The following PDE12 variants were observed in gnomAD, a reference collection of about 807,000 sequenced individuals.
The protein encoded by PDE12 is phosphodiesterase 12.
Under a neutral mutation model 45.4 loss-of-function variants are expected in PDE12, and 26 were observed. The observed-to-expected ratio is 0.57, with a 90% confidence interval of 0.42 to 0.79. The LOEUF is 0.79. Among genes scored for constraint, PDE12 ranks in the 30% least tolerant of loss-of-function variants. PDE12 has a pLI of 0.00. For synonymous variants in PDE12, 283 were observed against 323.9 expected (o/e 0.87, Z 1.36); for missense variants, 668 against 790.0 (o/e 0.85, Z 1.85).
At chr3:57,633,201 GA>G in the PDE12 span, 1 of 1,382,572 alleles carries the variant, frequency 7.2e-7, no homozygotes. Context: ...TGGAGGGCGG[GA>G]AAAACATTTA....
At chr3:57,644,149 C>CAAA in the PDE12 span, among the ~76,000 whole-genome samples, 3 of 73,358 alleles carry the variant, frequency 4.1e-5, no homozygotes, top group Non-Finnish European at 5.5e-5. Flanking sequence ...GACTCCATCT[C>CAAA]AAAAAAAAAA....
rs2069789038 is a variant in PDE12 at position 57,566,698 on chromosome 3, A to G, written c.*6694A>G. The G allele has an allele frequency of 6.6e-6, 1 of 152,130 alleles. No individual in the cohort carries two copies. The highest frequency in any genetic ancestry group is 1.5e-5 in the Non-Finnish European group (1 of 68,026). 9.4% of individuals were successfully genotyped at this position (152,130 alleles called of 1,614,324 possible). ...TGTGGTTTTGATTTGCATTTCCATG[A>G]TGGTTAACGATGTTAAGCATCTTTT... On this transcript the variant is annotated 3_prime_UTR_variant, in exon 3 of 3. Transcript: ENST00000311180.
At chr3:57,567,220 G>A (rs2069794038), downstream of PDE12, among the ~76,000 whole-genome samples, 1 of 151,954 alleles carries the variant, frequency 6.6e-6, no homozygotes, top group Admixed American at 6.6e-5. Context: ...ACTGAGGCAG[G>A]AGAATCGCTT....
rs143474439 is a variant in PDE12 at position 57,562,268 on chromosome 3, C to G, written c.*2264C>G. 348 of 212,056 alleles carry G rather than the reference C, an allele frequency of 1.6e-3. 3 individuals are homozygous for G. The highest frequency in any genetic ancestry group is 7.8e-3 in the African/African-American group (332 of 42,590). 13.1% of individuals were successfully genotyped at this position (212,056 alleles called of 1,614,324 possible). On this transcript the variant is annotated 3_prime_UTR_variant, in exon 3 of 3. Coordinates refer to ENST00000311180, the MANE Select transcript of PDE12 (RefSeq NM_177966.7). ...CTAGTCAGAAAAACTCAGCACTTAACAGACATTCCATGTCCTATATCCTTA... is the reference window on the plus strand; with the variant it reads ...CTAGTCAGAAAAACTCAGCACTTAAGAGACATTCCATGTCCTATATCCTTA...
chr3:57,569,141 A>G (rs1431115494), downstream of PDE12, among the ~76,000 whole-genome samples: 2 of 152,224 alleles, frequency 1.3e-5, no homozygotes, highest in African/African-American at 4.8e-5. Flanking sequence ...GATAGCATCA[A>G]CTATTTCATA....
the PDE12 span, among the ~76,000 whole-genome samples, chr3:57,603,205 AG>A: frequency 2.0e-5 from 3 of 152,162 alleles, no homozygotes; most frequent in Non-Finnish European, 4.4e-5. Context: ...GAAATTAGGT[AG>A]CTTAAAGCTA....
chr3:57,557,523 C>T lies in PDE12; in HGVS notation c.1144C>T (p.Leu382=). The change falls in exon 1 of 3, where the codon CTG becomes TTG. Residue 382 remains leucine (L), a synonymous_variant. Coordinates refer to ENST00000311180, the MANE Select transcript of PDE12 (RefSeq NM_177966.7). ...GTTTCGAATCAAGCAGCACGAAGGC[C>T]TGGCCACTTTCTACCGAAAGTCTAA... The part of the protein sequence containing the change: ...GVFRIKQHEG[L]ATFYRKSKFS... 6.2e-7 allele frequency: 1 copy of T among 1,614,090 alleles called. No individual in the cohort carries two copies. Among genetic ancestry groups the T allele is most frequent in the Non-Finnish European group, 8.5e-7 (1 of 1,180,028 alleles).
the PDE12 span, among the ~76,000 whole-genome samples, chr3:57,599,608 C>T: frequency 6.6e-6 from 1 of 152,264 alleles, no homozygotes; most frequent in South Asian, 2.1e-4. Context: ...CCATCTCTAG[C>T]CTCCAAAACC....
chr3:57,597,241 G>A, the PDE12 span: 1,024 of 1,172,318 alleles, frequency 8.7e-4, 4 homozygotes, highest in Non-Finnish European at 1.2e-3. Context: ...AGAGGGAAGA[G>A]AAAGAGCGGA....
At chr3:57,591,402 G>GA in the PDE12 span, among the ~76,000 whole-genome samples, 292 of 143,808 alleles carry the variant, frequency 2.0e-3, 1 homozygote, top group African/African-American at 6.7e-3. Context: ...TAATGAAAAG[G>GA]AAAAAAAAAA....
At position 57,557,285 on chromosome 3, in the gene PDE12, C is replaced by T. The variant is rs1296060910; in HGVS notation, c.906C>T (p.Ile302=). Residue 302 remains isoleucine, a synonymous_variant, in exon 1 of 3, where the codon ATC becomes ATT. Coordinates refer to ENST00000311180, the MANE Select transcript of PDE12 (RefSeq NM_177966.7). ...DALIRTVSYN[I]LADTYAQTEF... is the part of the protein sequence containing the mutation. ...TCATCCGCACTGTCTCTTACAACAT[C>T]CTGGCAGACACGTACGCGCAGACTG... 6.2e-7 allele frequency: 1 copy of T among 1,613,840 alleles called. No homozygotes were observed. Among genetic ancestry groups the T allele is most frequent in the Non-Finnish European group, 8.5e-7 (1 of 1,180,032 alleles).
chr3:57,558,457 A>G (rs1391356946), intron 1 of PDE12, among the ~76,000 whole-genome samples: 3 of 151,800 alleles, frequency 2.0e-5, no homozygotes, highest in Admixed American at 6.6e-5. Flanking sequence ...TGTAAAATGT[A>G]TTGTTTATAT....
the PDE12 span, chr3:57,633,165 A>C: frequency 9.8e-7 from 1 of 1,016,388 alleles, no homozygotes; most frequent in South Asian, 1.5e-5. Flanking sequence ...CCAGGCTGGC[A>C]AAACACACAA....
the PDE12 span, among the ~76,000 whole-genome samples, chr3:57,648,218 A>T: frequency 0.01 from 1,543 of 152,288 alleles, 30 homozygotes; most frequent in African/African-American, 0.035. Flanking sequence ...CACCAACAGC[A>T]ACCAAGCTGA....
chr3:57,594,905 A>G, the PDE12 span, among the ~76,000 whole-genome samples: 5 of 152,192 alleles, frequency 3.3e-5, no homozygotes, highest in Admixed American at 3.3e-4. Context: ...TCATGCACAT[A>G]TCTCCCTCGT....
At chr3:57,581,837 T>C in the PDE12 span, among the ~76,000 whole-genome samples, 9 of 152,084 alleles carry the variant, frequency 5.9e-5, no homozygotes, top group Non-Finnish European at 1.2e-4. Flanking sequence ...ACATTAGAGA[T>C]GAGTATGAAA....
downstream of PDE12, among the ~76,000 whole-genome samples, chr3:57,567,764 A>G (rs2069799347): frequency 6.6e-6 from 1 of 152,194 alleles, no homozygotes; most frequent in African/African-American, 2.4e-5. Context: ...ACAAGCTACC[A>G]GAAGGTACAA....
chr3:57,618,485 G>A, the PDE12 span, among the ~76,000 whole-genome samples: 4 of 151,686 alleles, frequency 2.6e-5, no homozygotes, highest in Non-Finnish European at 5.9e-5. Context: ...TGCATGGTAC[G>A]GTGATGGCTC....
chr3:57,592,890 G>T, the PDE12 span, among the ~76,000 whole-genome samples: 1 of 152,066 alleles, frequency 6.6e-6, no homozygotes, highest in African/African-American at 2.4e-5. Flanking sequence ...AATTTTAGAG[G>T]AACAAAAACT....
Sources: gnomAD v4.1 joint callset for allele counts (sites outside exome capture counted in the v4.1 genomes callset) on GRCh38, gnomAD v4.1.1 for gene constraint, MANE v1.5 for transcripts, NCBI Gene and HGNC (gene_info 2026-07-23, HGNC 2026-07-21) for gene names.